Variants in FBXO27 observed in about 807,000 individuals in gnomAD.
FBXO27 encodes the protein F-box only protein 27.
A neutral mutation model predicts 28.3 loss-of-function variants in FBXO27; 28 were observed. The observed-to-expected ratio is 0.99, with a 90% CI of 0.73 to 1.36. The LOEUF (loss-of-function observed/expected upper bound fraction) is 1.36. Among genes scored for constraint, FBXO27 ranks in the 40% most tolerant of loss-of-function variants. FBXO27 has a pLI of 0.00. For missense variants in FBXO27, 388 were observed against 394.1 expected, an observed-to-expected ratio of 0.98 and a Z score of 0.13; for synonymous variants, 175 against 167.3, an observed-to-expected ratio of 1.05 and a Z score of -0.36.
chr19:39,029,564 G>A (rs183209287), intron 4 of FBXO27, among the ~76,000 whole-genome samples: 19 of 152,120 alleles, frequency 1.2e-4, no homozygotes, highest in African/African-American at 4.1e-4. Flanking sequence ...AGAGAAGGGG[G>A]ACACTGAGAA....
chr19:39,015,871 G>C (rs926165121), intron 1 of FBXO27, among the ~76,000 whole-genome samples: 1 of 152,086 alleles, frequency 6.6e-6, no homozygotes, highest in Non-Finnish European at 1.5e-5. Flanking sequence ...AGGAGTTCAA[G>C]ACCAGCCTGG....
Position 39,025,293 on chromosome 19 carries a change from G to C in FBXO27, c.*118C>G. 7.3e-7 allele frequency: 1 copy of C among 1,373,630 alleles called. No individual in the cohort carries two copies. 85.1% of individuals were successfully genotyped at this position (1,373,630 alleles called of 1,614,324 possible). A position where few individuals can be genotyped will look rare whatever the true frequency, so the allele number is the denominator to read the frequency against. ...CGTCAGGGCCTTTGATTGGACCCAG[G>C]AATTCTCAGTATGCCAGGGAGGTAC... is the stretch of plus-strand genomic sequence containing the variant. On this transcript the variant is annotated 3_prime_UTR_variant, in exon 6 of 6. Coordinates refer to ENST00000292853, the MANE Select transcript of FBXO27 (RefSeq NM_178820.5).
At chr19:39,023,640 G>A (rs6508839), downstream of FBXO27, among the ~76,000 whole-genome samples, 72,430 of 150,882 alleles carry the variant, frequency 0.48, 17,580 homozygotes, top group Middle Eastern at 0.58. Context: ...TTGAGACGGA[G>A]TCTCGCTCTT....
Position 39,032,129 on chromosome 19 carries a change from C to A in FBXO27, c.99G>T (p.Leu33=). The part of the protein sequence containing the change: ...ALDLSQLPPE[L]LLVVLSHVPP... ...GGACGTGGCTCAGCACCACCAGAAGCAGCTCTGGGGGTAGTTGGCTCAGGT... is the reference window on the plus strand; with the variant it reads ...GGACGTGGCTCAGCACCACCAGAAGAAGCTCTGGGGGTAGTTGGCTCAGGT... Residue 33 remains leucine (L), a synonymous_variant, in exon 2 of 6, where the codon CTG becomes CTT. Transcript: ENST00000292853. The surrounding 1 kb of genome is among the most constrained non-coding windows in gnomAD (Gnocchi z 4.7). 2 of 1,537,386 alleles carry A rather than the reference C, an allele frequency of 1.3e-6. No homozygotes were observed. The highest frequency in any genetic ancestry group is 1.2e-5 in the South Asian group (1 of 81,546).
chr19:39,028,499 C>G (rs2072884893), intron 4 of FBXO27, among the ~76,000 whole-genome samples: 1 of 152,098 alleles, frequency 6.6e-6, no homozygotes, highest in Non-Finnish European at 1.5e-5. Context: ...CTTTGGGAGG[C>G]AGAGGTGTAA....
At chr19:39,006,251 C>T (rs575315335) in intron 2 of FBXO27, among the ~76,000 whole-genome samples, 3 of 151,888 alleles carry the variant, frequency 2.0e-5, no homozygotes, top group South Asian at 4.2e-4. Flanking sequence ...GTGAAAAACC[C>T]GTCTTTACTG....
At chr19:39,006,277 G>A (rs1048821450) in intron 2 of FBXO27, among the ~76,000 whole-genome samples, 1 of 152,026 alleles carries the variant, frequency 6.6e-6, no homozygotes, top group African/African-American at 2.4e-5. Context: ...ACAAAAATTG[G>A]CCAGGCAAGG....
In FBXO27 at chr19:39,032,214, A is replaced by T. The variant is rs2072910711; in HGVS notation, c.14T>A (p.Val5Asp). 1.4e-6 allele frequency: 2 copies of T among 1,450,506 alleles called. No homozygotes were observed. The highest frequency in any genetic ancestry group is 9.0e-7 in the Non-Finnish European group (1 of 1,108,626). 89.9% of individuals were successfully genotyped at this position (1,450,506 alleles called of 1,614,324 possible). A position where few individuals can be genotyped will look rare whatever the true frequency, so the allele number is the denominator to read the frequency against. The stretch of plus-strand genomic sequence containing the variant: ...GACCCGGGCGGCCCGGCCCCTGGAG[A>T]CCGAGGCGCCCATGGTCCCCCCGCC... MGAS[V>D]SRGRAARVPA... The change falls in exon 2 of 6, where the codon GTC becomes GAC. Residue 5 changes from valine to aspartate, a missense_variant. By Grantham distance (152) the Val-to-Asp change is radical. Coordinates refer to ENST00000292853, the MANE Select transcript of FBXO27 (RefSeq NM_178820.5). This position sits in a 1 kb window ranked among gnomAD's most constrained non-coding sequence, Gnocchi z 4.7.
chr19:39,014,377 G>A (rs1193063633), intron 2 of FBXO27: 1 of 152,104 alleles, frequency 6.6e-6, no homozygotes, highest in African/African-American at 2.4e-5. Context: ...GCTTTCCTAA[G>A]CCTTTTTACC....
rs574439628 is a variant in FBXO27 at position 39,010,844 on chromosome 19, C to G, written c.252+3543G>C. Among the ~76,000 whole-genome samples the G allele has an allele frequency of 7.2e-5, 11 of 152,354 alleles. No individual in the cohort carries two copies. In the South Asian group the frequency reaches 1.0e-3, roughly 14 times the overall value. On this transcript the variant is annotated intron_variant, in intron 2 of 2. Transcript: ENST00000598394. ...CAGGGCTGGAGCTATAACACTGCCC[C>G]TTCAATAAAGCTGTTTTCTTCTACC...
Position 39,032,157 on chromosome 19 carries a change from A to G in FBXO27, c.71T>C (p.Leu24Pro). The stretch of plus-strand genomic sequence containing the variant: ...CTCTGGGGGTAGTTGGCTCAGGTCC[A>G]GCGCCTCTTCGGGTTCCGGCTCCGG... ...PAPEPEPEEALDLSQLPPELL... is the reference protein window; with the variant it reads ...PAPEPEPEEAPDLSQLPPELL... The change falls in exon 2 of 6, where the codon CTG becomes CCG. Residue 24 changes from leucine to proline, a missense_variant. By Grantham distance (98) the Leu-to-Pro change is moderately conservative. Transcript: ENST00000292853. The surrounding 1 kb of genome is among the most constrained non-coding windows in gnomAD (Gnocchi z 4.7). 6.5e-7 allele frequency: 1 copy of G among 1,536,792 alleles called. No homozygotes were observed. The highest frequency in any genetic ancestry group is 8.7e-7 in the Non-Finnish European group (1 of 1,147,332).
chr19:39,025,588 C>T (rs757128215), intron 5 of FBXO27, 34 bp from the exon 6 acceptor site: 3 of 1,590,550 alleles, frequency 1.9e-6, no homozygotes, highest in Non-Finnish European at 1.7e-6. Context: ...CTCCATTGTG[C>T]CACAGCCTCC....
At position 39,032,193 on chromosome 19, in the gene FBXO27, C is replaced by CG; in HGVS notation, c.34dup (p.Arg12ProfsTer84). The CG allele has an allele frequency of 6.7e-7, 1 of 1,482,946 alleles. No individual in the cohort carries two copies. The highest frequency in any genetic ancestry group is 8.9e-7 in the Non-Finnish European group (1 of 1,121,176). The allele number at this position is 1,482,946 out of a possible 1,614,324, so 91.9% of individuals were successfully genotyped here. On this transcript the variant is annotated frameshift_variant, in exon 2 of 6. Coordinates refer to ENST00000292853, the MANE Select transcript of FBXO27 (RefSeq NM_178820.5). LOFTEE classifies it high-confidence loss of function. The surrounding 1 kb of genome is among the most constrained non-coding windows in gnomAD (Gnocchi z 4.7). ...GGGTTCCGGCTCCGGCGCGGGGACC[C>CG]GGGCGGCCCGGCCCCTGGAGACCGA...
Position 39,031,098 on chromosome 19 carries a change from T to C in FBXO27, c.503A>G (p.Asp168Gly), listed in dbSNP as rs147557604. Residue 168 changes from aspartate to glycine, a missense_variant, in exon 4 of 6, where the codon GAC (aspartate) becomes GGC (glycine). Transcript: ENST00000292853. ...FSWCCKKQVL[D>G]LEEEGLWPEL... ...TGGCCACAGACCCTCCTCCTCTAGGTCCAAGACCTGCTTCTTGCAACACCA... is the reference window on the plus strand; with the variant it reads ...TGGCCACAGACCCTCCTCCTCTAGGCCCAAGACCTGCTTCTTGCAACACCA... 1 of 1,613,912 alleles carries C rather than the reference T, an allele frequency of 6.2e-7. No homozygotes were observed. Among genetic ancestry groups the C allele is most frequent in the Non-Finnish European group, 8.5e-7 (1 of 1,180,000 alleles).
intron 2 of FBXO27, among the ~76,000 whole-genome samples, chr19:39,005,954 T>A (rs1228422858): frequency 6.6e-6 from 1 of 152,196 alleles, no homozygotes; most frequent in Non-Finnish European, 1.5e-5. Context: ...AATCAAGTGA[T>A]CAAGGTGAAA....
Position 39,032,338 on chromosome 19 carries a change from A to G in FBXO27, c.-26-85T>C. ...TGCCTGCCCTGATTCTGCCAGCCGC[A>G]CCCCCGTCTTCACCATCCCTGGGCC... On this transcript the variant is annotated intron_variant, in intron 1 of 5. Transcript: ENST00000292853. The surrounding 1 kb of genome is among the most constrained non-coding windows in gnomAD (Gnocchi z 4.7). The G allele has an allele frequency of 1.5e-6, 2 of 1,336,864 alleles. No individual in the cohort carries two copies. Among genetic ancestry groups the G allele is most frequent in the Non-Finnish European group, 1.9e-6 (2 of 1,043,252 alleles). The allele number at this position is 1,336,864 out of a possible 1,614,324, so 82.8% of individuals were successfully genotyped here. A position where few individuals can be genotyped will look rare whatever the true frequency, so the allele number is the denominator to read the frequency against.
intron 4 of FBXO27, among the ~76,000 whole-genome samples, chr19:39,028,115 C>G (rs1394127558): frequency 6.6e-6 from 1 of 151,962 alleles, no homozygotes; most frequent in Non-Finnish European, 1.5e-5. Flanking sequence ...GTGGCAGGTG[C>G]CTGTAATCCC....
At chr19:39,021,178 T>C (rs2072843775), downstream of FBXO27, among the ~76,000 whole-genome samples, 1 of 152,176 alleles carries the variant, frequency 6.6e-6, no homozygotes, top group Non-Finnish European at 1.5e-5. Flanking sequence ...TTTTGACTTC[T>C]TTCACAACAT....
chr19:39,021,059 C>T (rs2072843284), downstream of FBXO27, among the ~76,000 whole-genome samples: 1 of 152,098 alleles, frequency 6.6e-6, no homozygotes, highest in Non-Finnish European at 1.5e-5. Flanking sequence ...GCCATGTTGG[C>T]CAGGCTGGTC....
Sources: gnomAD v4.1 joint callset for allele counts (sites outside exome capture counted in the v4.1 genomes callset) on GRCh38, gnomAD v4.1.1 for gene constraint, Gnocchi (gnomAD v3.1) non-coding constraint, MANE v1.5 for transcripts, NCBI Gene and HGNC (gene_info 2026-07-23, HGNC 2026-07-21) for gene names.